The following MAGOH variants were observed in gnomAD, a reference collection of about 807,000 sequenced individuals.
The protein encoded by MAGOH is protein mago nashi homolog.
Under a neutral mutation model 20.9 loss-of-function variants are expected in MAGOH, and 3 were observed. The ratio of observed to expected loss-of-function variants is 0.14; its 90% confidence interval spans 0.07 to 0.37. The LOEUF (loss-of-function observed/expected upper bound fraction) is 0.37, where lower values mean the gene tolerates loss of function less well. MAGOH is among the 10% of genes least tolerant of loss of function. MAGOH has a pLI of 1.00. For synonymous variants in MAGOH, 51 were observed against 61.0 expected, an observed-to-expected ratio of 0.84 and a Z score of 0.76; for missense variants, 66 against 178.1, an observed-to-expected ratio of 0.37 and a Z score of 3.58.
intron 1 of MAGOH, 66 bp downstream of exon 1, chr1:53,238,295 C>T (rs929685783): frequency 2.1e-5 from 30 of 1,462,014 alleles, no homozygotes; most frequent in Middle Eastern, 3.4e-4. Context: ...TTCCGACCCT[C>T]GGCCTCCCCA....
rs1645596971 is a variant in MAGOH, at chr1:53,233,639, T to C, written c.161A>G (p.Lys54Arg). 3.1e-6 allele frequency: 5 copies of C among 1,611,872 alleles called. 1 individual carries two copies. In the South Asian group the frequency reaches 5.5e-5, roughly 18 times the overall value. ...VMIRKEAYVHKSVMEELKRII... is the reference protein window; with the variant it reads ...VMIRKEAYVHRSVMEELKRII... ...TCTCTTCAGTTCCTCCATCACGCTT[T>C]TATGTACATAAGCCTGAACGCAAGT... is the stretch of plus-strand genomic sequence containing the variant. The change falls in exon 3 of 5, where the codon AAA becomes AGA. Residue 54 changes from lysine (K) to arginine (R), a missense_variant. Coordinates refer to ENST00000371470, the MANE Select transcript of MAGOH (RefSeq NM_002370.4).
intron 2 of MAGOH, among the ~76,000 whole-genome samples, chr1:53,234,669 C>T (rs1459895863): frequency 2.0e-5 from 3 of 152,024 alleles, no homozygotes; most frequent in African/African-American, 4.8e-5. Flanking sequence ...TCACCGCGCC[C>T]GGCCAGTTAT....
intron 2 of MAGOH, 63 bp from the exon 3 acceptor site, chr1:53,233,715 G>C (rs1190761755): frequency 1.4e-5 from 14 of 1,013,884 alleles, no homozygotes; most frequent in Non-Finnish European, 2.2e-5. Context: ...GACTCAGATA[G>C]TGATGGAAGA....
intron 3 of MAGOH, chr1:53,233,196 G>T: frequency 6.3e-6 from 1 of 158,164 alleles, no homozygotes; most frequent in South Asian, 1.7e-4. Flanking sequence ...TTAGAAGTCT[G>T]GATTAGGATG....
intron 3 of MAGOH, chr1:53,233,100 C>CA (rs200562411): frequency 4.1e-4 from 60 of 146,496 alleles, no homozygotes; most frequent in Non-Finnish European, 7.0e-4. Context: ...GACTCCAACT[C>CA]AAAAAAAAAA....
At chr1:53,227,261 G>C in intron 4 of MAGOH, 117 bp from the exon 5 acceptor site, 2 of 487,918 alleles carry the variant, frequency 4.1e-6, no homozygotes, top group Non-Finnish European at 7.3e-6. Flanking sequence ...AATATGCTGA[G>C]TTTTTAATAT....
In MAGOH at chr1:53,238,344, C is replaced by G; in HGVS notation, c.88+17G>C. On this transcript the variant is annotated intron_variant, in intron 1 of 4. Coordinates refer to ENST00000371470, the MANE Select transcript of MAGOH (RefSeq NM_002370.4). ...AGGCCTGGTCCCCGCTCCCGGCGGG[C>G]GGCAGGCTGCTTTTACCGTCCGGTC... is the stretch of plus-strand genomic sequence containing the variant. 2 of 1,613,502 alleles carry G rather than the reference C, an allele frequency of 1.2e-6. No homozygotes were observed. The highest frequency in any genetic ancestry group is 1.7e-6 in the Non-Finnish European group (2 of 1,179,434).
At chr1:53,227,693 A>G (rs897605769) in intron 4 of MAGOH, among the ~76,000 whole-genome samples, 2 of 151,958 alleles carry the variant, frequency 1.3e-5, no homozygotes, top group African/African-American at 4.8e-5. Flanking sequence ...GGCATGCACC[A>G]CGCCTGGCTA....
chr1:53,233,415 T>C (rs570094760), intron 3 of MAGOH, 127 bp downstream of exon 3: 2 of 608,370 alleles, frequency 3.3e-6, no homozygotes, highest in East Asian at 2.6e-5. Flanking sequence ...TCTCTTTGTA[T>C]CTCCACAATG....
At chr1:53,227,311 T>C (rs1645565280) in intron 4 of MAGOH, among the ~76,000 whole-genome samples, 167 bp from the exon 5 acceptor site, 1 of 152,178 alleles carries the variant, frequency 6.6e-6, no homozygotes. Flanking sequence ...ATAATTAAAA[T>C]AACAATTATT....
intron 3 of MAGOH, 59 bp downstream of exon 3, chr1:53,233,483 G>T (rs562600909): frequency 3.5e-6 from 4 of 1,137,482 alleles, no homozygotes; most frequent in South Asian, 2.6e-5. Flanking sequence ...GTGGAGGAGG[G>T]AGTGTGGGGG....
rs78264561 is a variant in MAGOH, at chr1:53,227,947, G to A, written c.342-803C>T. On this transcript the variant is annotated intron_variant, in intron 4 of 4. Transcript: ENST00000371470. ...AGAGTGTCCAAAGGAAGACAATTAC[G>A]CCCAACATTTGCCAAAAGTGAGCCG... 6.2e-4 allele frequency among the ~76,000 whole-genome samples: 94 copies of A among 152,170 alleles called. No individual in the cohort carries two copies. In the East Asian group the frequency reaches 0.015, roughly 25 times the overall value.
chr1:53,227,456 T>C (rs950358726), intron 4 of MAGOH, among the ~76,000 whole-genome samples: 17 of 152,306 alleles, frequency 1.1e-4, no homozygotes, highest in African/African-American at 4.1e-4. Flanking sequence ...TGTGGATGAT[T>C]TTCCCCTTTC....
chr1:53,233,787 C>A, intron 2 of MAGOH, 135 bp from the exon 3 acceptor site: 1 of 649,936 alleles, frequency 1.5e-6, no homozygotes, highest in Admixed American at 2.5e-5. Flanking sequence ...GACATTCATG[C>A]TCAACCTCGG....
At chr1:53,231,171 C>T (rs1210638481) in intron 3 of MAGOH, among the ~76,000 whole-genome samples, 1 of 152,164 alleles carries the variant, frequency 6.6e-6, no homozygotes, top group African/African-American at 2.4e-5. Flanking sequence ...ACAAATGAAG[C>T]CGTAAATCTT....
intron 3 of MAGOH, among the ~76,000 whole-genome samples, chr1:53,232,905 A>G (rs1429767650): frequency 6.6e-6 from 1 of 152,236 alleles, no homozygotes; most frequent in Non-Finnish European, 1.5e-5. Context: ...GTTTGAGACT[A>G]GCCTGGCCAA....
At chr1:53,227,902 T>A (rs1228117483) in intron 4 of MAGOH, among the ~76,000 whole-genome samples, 4 of 152,164 alleles carry the variant, frequency 2.6e-5, no homozygotes, top group African/African-American at 9.7e-5. Context: ...TGAAGATTAC[T>A]GTGGCATCAC....
chr1:53,233,533 A>G lies in MAGOH; in HGVS notation c.258+9T>C, dbSNP rs755774147. ...ATTTCTGCACTACAGGATAATCAAT[A>G]AAACACACCTGCCGGCCCACTCGGT... On this transcript the variant is annotated intron_variant, in intron 3 of 4. Coordinates refer to ENST00000371470, the MANE Select transcript of MAGOH (RefSeq NM_002370.4). 5 of 1,605,448 alleles carry G rather than the reference A, an allele frequency of 3.1e-6. No homozygotes were observed. In the Admixed American group the frequency reaches 8.4e-5, roughly 27 times the overall value.
rs184325143 is a variant in MAGOH, at chr1:53,227,287, T to G, written c.342-143A>C. 1.2e-3 allele frequency: 567 copies of G among 476,962 alleles called. 1 individual carries two copies. Among genetic ancestry groups the G allele is most frequent in the African/African-American group, 9.8e-3 (484 of 49,466 alleles). The allele number at this position is 476,962 out of a possible 1,614,324, so 29.5% of individuals were successfully genotyped here. ...TTTTTAATATAGGGAAATGCTTACATTAAGTGAAAAAATATAATTAAAATA... is the reference window on the plus strand; with the variant it reads ...TTTTTAATATAGGGAAATGCTTACAGTAAGTGAAAAAATATAATTAAAATA... On this transcript the variant is annotated intron_variant, in intron 4 of 4. Coordinates refer to ENST00000371470, the MANE Select transcript of MAGOH (RefSeq NM_002370.4).
Sources: gnomAD v4.1 joint callset for allele counts (sites outside exome capture counted in the v4.1 genomes callset) on GRCh38, gnomAD v4.1.1 for gene constraint, MANE v1.5 for transcripts, NCBI Gene and HGNC (gene_info 2026-07-23, HGNC 2026-07-21) for gene names.